Variants in ARSG observed in about 807,000 individuals in gnomAD.
ARSG encodes ASG.
ARSG carries 37 observed loss-of-function variants against 50.5 expected under a neutral mutation model. The ratio of observed to expected loss-of-function variants is 0.73; its 90% confidence interval spans 0.56 to 0.96. The LOEUF (loss-of-function observed/expected upper bound fraction) is 0.96. Among genes scored for constraint, ARSG ranks in the 50% least tolerant of loss-of-function variants. The pLI is 0.00. For missense variants in ARSG, 629 were observed against 675.3 expected, an observed-to-expected ratio of 0.93 and a Z score of 0.76; for synonymous variants, 225 against 254.6, an observed-to-expected ratio of 0.88 and a Z score of 1.11.
intron 1 of ARSG, among the ~76,000 whole-genome samples, chr17:68,300,600 T>C (rs1555761437): frequency 5.9e-5 from 9 of 152,144 alleles, no homozygotes. Context: ...ATCTCCTCTC[T>C]CTGATCTGTG....
intron 6 of ARSG, among the ~76,000 whole-genome samples, chr17:68,357,393 C>T (rs1256178522): frequency 6.6e-6 from 1 of 152,144 alleles, no homozygotes; most frequent in Non-Finnish European, 1.5e-5. Flanking sequence ...ATGGCCATAT[C>T]ATTCTCAACT....
chr17:68,328,863 C>A (rs560824154), intron 2 of ARSG, among the ~76,000 whole-genome samples: 1 of 137,136 alleles, frequency 7.3e-6, no homozygotes, highest in African/African-American at 3.2e-5. Flanking sequence ...ACAGGTCTTA[C>A]GAGGTAGAGT....
intron 2 of ARSG, among the ~76,000 whole-genome samples, chr17:68,335,925 G>C (rs576681143): frequency 6.6e-6 from 1 of 152,186 alleles, no homozygotes. Flanking sequence ...TTGAGATGGA[G>C]TCTCACTCTG....
At chr17:68,418,234 T>C (rs2082515812) in intron 11 of ARSG, among the ~76,000 whole-genome samples, 1 of 152,216 alleles carries the variant, frequency 6.6e-6, no homozygotes, top group Admixed American at 6.5e-5. Context: ...CACTGGCAGC[T>C]AATCAGTAGT....
rs145912617 is a variant in ARSG, at chr17:68,347,698, G to A, written c.454+526G>A. ...TTGCTGAAGGGCGGATTCTCCAAAC[G>A]TCCAATTCACTGAATTACTGATGGT... is the stretch of plus-strand genomic sequence containing the variant. On this transcript the variant is annotated intron_variant, in intron 4 of 11. Transcript: ENST00000621439. Among the ~76,000 whole-genome samples the A allele has an allele frequency of 5.3e-4, 80 of 152,264 alleles. 1 individual carries two copies. In the East Asian group the frequency reaches 0.014, roughly 26 times the overall value.
At chr17:68,283,369 A>G (rs1289847427) in intron 1 of ARSG, among the ~76,000 whole-genome samples, 3 of 151,798 alleles carry the variant, frequency 2.0e-5, no homozygotes, top group African/African-American at 4.8e-5. Context: ...AAATACAAAA[A>G]AATTAGCCAG....
chr17:68,269,936 G>C (rs1475008755), intron 1 of ARSG, among the ~76,000 whole-genome samples: 1 of 152,058 alleles, frequency 6.6e-6, no homozygotes, highest in Admixed American at 6.6e-5. Flanking sequence ...TCCTCCCAAA[G>C]TGTTGGGATT....
intron 1 of ARSG, among the ~76,000 whole-genome samples, chr17:68,292,770 C>G (rs1555756746): frequency 6.6e-6 from 1 of 152,160 alleles, no homozygotes; most frequent in African/African-American, 2.4e-5. Flanking sequence ...TTGCCGTTGA[C>G]AAGTTCTGGT....
intron 1 of ARSG, among the ~76,000 whole-genome samples, chr17:68,263,350 A>G (rs1335548306): frequency 2.0e-5 from 3 of 152,224 alleles, no homozygotes; most frequent in African/African-American, 7.2e-5. Context: ...TATAAACACA[A>G]ATCTGAAAAC....
intron 1 of ARSG, among the ~76,000 whole-genome samples, chr17:68,260,783 A>G (rs1322482606): frequency 6.6e-6 from 1 of 152,090 alleles, no homozygotes; most frequent in African/African-American, 2.4e-5. Context: ...GTGAGCCACC[A>G]TGGCCGGCCA....
At chr17:68,436,977 G>C in the ARSG span, among the ~76,000 whole-genome samples, 1,218 of 145,344 alleles carry the variant, frequency 8.4e-3, 20 homozygotes, top group African/African-American at 0.03. Flanking sequence ...CTGGGCTACA[G>C]AGTGAGACCC....
chr17:68,435,353 G>A, the ARSG span, among the ~76,000 whole-genome samples: 6 of 152,304 alleles, frequency 3.9e-5, no homozygotes, highest in East Asian at 1.2e-3. Context: ...TACGGCTGAT[G>A]TACACGTACA....
At chr17:68,371,636 T>G (rs2079852556) in intron 8 of ARSG, among the ~76,000 whole-genome samples, 2 of 152,194 alleles carry the variant, frequency 1.3e-5, no homozygotes, top group Non-Finnish European at 2.9e-5. Context: ...CAATTCCTCC[T>G]GTAAGAATTT....
Position 68,367,573 on chromosome 17 carries a change from G to A in ARSG, c.705-975G>A, listed in dbSNP as rs575484115. Among the ~76,000 whole-genome samples the A allele has an allele frequency of 6.6e-6, 1 of 152,174 alleles. No individual in the cohort carries two copies. The highest frequency in any genetic ancestry group is 2.4e-5 in the African/African-American group (1 of 41,428). ...TGATTCTGCAGCTGCTCTTGGCTGG[G>A]AGTAGGACTGGGACCTTTGCTTGGA... is the stretch of plus-strand genomic sequence containing the variant. On this transcript the variant is annotated intron_variant, in intron 6 of 11. Transcript: ENST00000621439. The surrounding 1 kb of genome is among the most constrained non-coding windows in gnomAD (Gnocchi z 4.5).
At chr17:68,433,937 C>T in the ARSG span, among the ~76,000 whole-genome samples, 1 of 151,968 alleles carries the variant, frequency 6.6e-6, no homozygotes, top group South Asian at 2.1e-4. Flanking sequence ...CACACACCAC[C>T]ACACCCAGCT....
At chr17:68,326,907 T>C (rs1454521599) in intron 2 of ARSG, among the ~76,000 whole-genome samples, 4 of 151,582 alleles carry the variant, frequency 2.6e-5, no homozygotes, top group Non-Finnish European at 5.9e-5. Flanking sequence ...GTGGAAGGAG[T>C]GGCCAGAGAA....
intron 8 of ARSG, among the ~76,000 whole-genome samples, chr17:68,382,670 A>G (rs187455013): frequency 2.5e-4 from 38 of 152,320 alleles, no homozygotes; most frequent in African/African-American, 9.1e-4. Flanking sequence ...AGATCTTTGT[A>G]AGTTTTGTCC....
At chr17:68,330,990 GAGGTGGT>G (rs2077713607) in intron 2 of ARSG, among the ~76,000 whole-genome samples, 1 of 87,388 alleles carries the variant, frequency 1.1e-5, no homozygotes, top group African/African-American at 4.9e-5. Context: ...GGGGGGGGGG[GAGGTGGT>G]GGGCGGGGAC....
At chr17:68,394,163 A>C (rs1025042774) in intron 9 of ARSG, among the ~76,000 whole-genome samples, 2 of 152,156 alleles carry the variant, frequency 1.3e-5, no homozygotes, top group Non-Finnish European at 2.9e-5. Flanking sequence ...TGAATTTCCT[A>C]TCCATGAAAT....
Sources: gnomAD v4.1 joint callset for allele counts (sites outside exome capture counted in the v4.1 genomes callset) on GRCh38, gnomAD v4.1.1 for gene constraint, Gnocchi (gnomAD v3.1) non-coding constraint, MANE v1.5 for transcripts, NCBI Gene and HGNC (gene_info 2026-07-23, HGNC 2026-07-21) for gene names.